Variants in CDH23 observed in about 807,000 individuals in gnomAD.
CDH23 encodes the protein cadherin-23.
CDH23 carries 189 observed loss-of-function variants against 317.1 expected under a neutral mutation model. That is an observed-to-expected ratio of 0.60 (90% confidence interval 0.53 to 0.67). The LOEUF (loss-of-function observed/expected upper bound fraction) is 0.67, where lower values mean the gene tolerates loss of function less well. Ranked by LOEUF, CDH23 falls within the 30% of genes least tolerant of loss-of-function variation. The pLI is 0.00. For missense variants in CDH23, 4,401 were observed against 4,592.4 expected, an observed-to-expected ratio of 0.96 and a Z score of 1.20; for synonymous variants, 1,839 against 1,876.8, an observed-to-expected ratio of 0.98 and a Z score of 0.52.
At chr10:71,579,910 G>C (rs575013901) in intron 9 of CDH23, among the ~76,000 whole-genome samples, 23 of 152,368 alleles carry the variant, frequency 1.5e-4, no homozygotes, top group Middle Eastern at 3.4e-3. Flanking sequence ...CAGCAGGAAG[G>C]GGGTGCTGGG....
At chr10:71,564,730 C>T (rs1455835038) in intron 6 of CDH23, among the ~76,000 whole-genome samples, 2 of 152,214 alleles carry the variant, frequency 1.3e-5, no homozygotes, top group Non-Finnish European at 2.9e-5. Flanking sequence ...TGGCCGAGTG[C>T]TCTGAAGTGA....
At chr10:71,695,962 G>C (rs187089915) in intron 22 of CDH23, among the ~76,000 whole-genome samples, 1 of 152,264 alleles carries the variant, frequency 6.6e-6, no homozygotes, top group African/African-American at 2.4e-5. Context: ...CCTCCCCCAC[G>C]GGCTGGCCCC....
chr10:71,597,812 G>A (rs1252070630), intron 9 of CDH23, among the ~76,000 whole-genome samples: 3 of 152,166 alleles, frequency 2.0e-5, no homozygotes, highest in African/African-American at 7.2e-5. Flanking sequence ...CACTGCTGGG[G>A]ATATGGCCAT....
At chr10:71,462,290 C>T (rs1244650307) in intron 3 of CDH23, among the ~76,000 whole-genome samples, 1 of 152,222 alleles carries the variant, frequency 6.6e-6, no homozygotes, top group East Asian at 1.9e-4. Context: ...TCCTGACGGC[C>T]TTCATTAAAG....
rs368749897 is a variant in CDH23 at position 71,803,227 on chromosome 10, T to G, written c.7679T>G (p.Met2560Arg). 9.3e-6 allele frequency: 15 copies of G among 1,604,822 alleles called. No homozygotes were observed. Among genetic ancestry groups the G allele is most frequent in the Non-Finnish European group, 1.3e-5 (15 of 1,175,180 alleles). Reference protein sequence around the residue: ...GPGVEAFHVDMDSGLVTTQRP... With the variant: ...GPGVEAFHVDRDSGLVTTQRP... ...CTGCCAGAGGCCTTCCATGTGGACATGGACTCGGGCTTGGTGACCACACAG... is the reference window on the plus strand; with the variant it reads ...CTGCCAGAGGCCTTCCATGTGGACAGGGACTCGGGCTTGGTGACCACACAG... The change falls in exon 55 of 70, where the codon ATG (methionine) becomes AGG (arginine). Residue 2560 changes from methionine to arginine, a missense_variant. Around this residue, in one of 3 missense-constraint regions of CDH23, gnomAD observed 1,144 missense variants for 1,138.2 expected, o/e 1.01. Transcript: ENST00000224721.
intron 41 of CDH23, among the ~76,000 whole-genome samples, chr10:71,782,786 G>A (rs1840991146): frequency 6.6e-6 from 1 of 152,220 alleles, no homozygotes; most frequent in African/African-American, 2.4e-5. Context: ...GAGACCTTGG[G>A]GTGTCATGCT....
At chr10:71,432,612 C>G (rs1179648535) in intron 1 of CDH23, among the ~76,000 whole-genome samples, 1 of 152,122 alleles carries the variant, frequency 6.6e-6, no homozygotes, top group Non-Finnish European at 1.5e-5. Flanking sequence ...AAGGAGAACC[C>G]TCAGTATGGG....
At chr10:71,675,080 G>A (rs1411754041) in intron 14 of CDH23, 32 bp from the exon 15 acceptor site, 18 of 1,603,924 alleles carry the variant, frequency 1.1e-5, no homozygotes, top group Non-Finnish European at 1.5e-5. Flanking sequence ...GCTGGGCCTG[G>A]CAGTAATGAC....
At chr10:71,540,339 A>G (rs1010869621) in intron 6 of CDH23, among the ~76,000 whole-genome samples, 2 of 152,226 alleles carry the variant, frequency 1.3e-5, no homozygotes, top group East Asian at 3.9e-4. Flanking sequence ...TGACTGGGTT[A>G]TTCAGTGCAT....
chr10:71,574,221 C>T (rs575434966), intron 8 of CDH23, among the ~76,000 whole-genome samples: 17 of 152,140 alleles, frequency 1.1e-4, no homozygotes, highest in African/African-American at 4.1e-4. Flanking sequence ...TATGCCTCCC[C>T]CTATCAGCGT....
Position 71,732,116 on chromosome 10 carries a change from A to G in CDH23, c.3845A>G (p.Asn1282Ser), listed in dbSNP as rs149073355. Residue 1282 changes from asparagine to serine, a missense_variant, in exon 32 of 70, where the codon AAT becomes AGT. Physicochemically the swap from Asn to Ser is conservative, Grantham distance 46 (BLOSUM62 1). Transcript: ENST00000224721. Reference protein sequence around the residue: ...DYETKTSYMMNVSATDQAPPF... With the variant: ...DYETKTSYMMSVSATDQAPPF... ...GAGACCAAGACCAGCTACATGATGA[A>G]TGTGTCGGCCACTGACCAGGCCCCG... The G allele has an allele frequency of 5.1e-3, 8,233 of 1,613,988 alleles. 22 individuals are homozygous for G. Among genetic ancestry groups the G allele is most frequent in the Non-Finnish European group, 6.4e-3 (7,590 of 1,179,876 alleles).
At chr10:71,719,022 G>A (rs578037429) in intron 28 of CDH23, among the ~76,000 whole-genome samples, 3 of 152,206 alleles carry the variant, frequency 2.0e-5, no homozygotes, top group South Asian at 2.1e-4. Flanking sequence ...AGGCTACAGC[G>A]AGCTAGAATC....
chr10:71,398,307 T>C (rs1172791299), intron 1 of CDH23, among the ~76,000 whole-genome samples: 1 of 152,190 alleles, frequency 6.6e-6, no homozygotes, highest in African/African-American at 2.4e-5. Context: ...CAGAGCCTTC[T>C]TTTTCTACGT....
intron 6 of CDH23, among the ~76,000 whole-genome samples, chr10:71,518,348 C>T (rs1379711601): frequency 6.6e-6 from 1 of 152,188 alleles, no homozygotes; most frequent in Non-Finnish European, 1.5e-5. Flanking sequence ...TATTGTTTTG[C>T]AATTTGCCAT....
intron 1 of CDH23, among the ~76,000 whole-genome samples, chr10:71,413,725 G>A (rs1848427890): frequency 6.6e-6 from 1 of 151,780 alleles, no homozygotes; most frequent in Admixed American, 6.6e-5. Context: ...TAGAGATGAG[G>A]TCTCACTATG....
At chr10:71,416,689 AG>A (rs1191846302) in intron 1 of CDH23, among the ~76,000 whole-genome samples, 1 of 152,090 alleles carries the variant, frequency 6.6e-6, no homozygotes, top group Admixed American at 6.5e-5. Flanking sequence ...TTTTAGAGAC[AG>A]GGTCTCACTC....
chr10:71,797,229 C>T lies in CDH23; in HGVS notation c.6829+9C>T. On this transcript the variant is annotated intron_variant, in intron 49 of 69. Coordinates refer to ENST00000224721, the MANE Select transcript of CDH23 (RefSeq NM_022124.6). ...TGTCAGTGTGCCAAATGGTAAGGTTCCCTGCAGACATCTCTCATTGGTCAC... is the reference window on the plus strand; with the variant it reads ...TGTCAGTGTGCCAAATGGTAAGGTTTCCTGCAGACATCTCTCATTGGTCAC... 1.3e-6 allele frequency: 2 copies of T among 1,583,196 alleles called. No homozygotes were observed. The highest frequency in any genetic ancestry group is 2.2e-5 in the South Asian group (2 of 89,190).
At position 71,751,583 on chromosome 10, in the gene CDH23, G is replaced by T. The variant is rs1228624204; in HGVS notation, c.4845+9662G>T. 3 of 1,443,792 alleles carry T rather than the reference G, an allele frequency of 2.1e-6. No individual in the cohort carries two copies. Among genetic ancestry groups the T allele is most frequent in the Non-Finnish European group, 2.8e-6 (3 of 1,077,740 alleles). The allele number at this position is 1,443,792 out of a possible 1,614,324, so 89.4% of individuals were successfully genotyped here. On this transcript the variant is annotated intron_variant, in intron 38 of 69. Transcript: ENST00000224721. The surrounding 1 kb of genome is among the most constrained non-coding windows in gnomAD (Gnocchi z 4.9). ...GTGAGGCCGTGGAACTCTTCAGGGA[G>T]GGCAGGGAGTGAGGCCGATGCCCTG...
At chr10:71,599,788 C>A (rs568086953) in intron 9 of CDH23, among the ~76,000 whole-genome samples, 1 of 152,168 alleles carries the variant, frequency 6.6e-6, no homozygotes, top group African/African-American at 2.4e-5. Context: ...CTGCTTCTAA[C>A]GTGCTGTGTG....
Sources: allele counts gnomAD v4.1 joint callset (sites outside exome capture counted in the v4.1 genomes callset), GRCh38; gene constraint gnomAD v4.1.1; regional missense constraint gnomAD v4.1.1; non-coding constraint Gnocchi (gnomAD v3.1); transcripts MANE v1.5; gene names NCBI Gene and HGNC (gene_info 2026-07-23, HGNC 2026-07-21).